HS3ST4: variants seen among roughly 807,000 people sequenced by gnomAD.
HS3ST4 encodes heparan sulfate-glucosamine 3-sulfotransferase 4, also known as heparan sulfate glucosamine 3-O-sulfotransferase 4.
Under a neutral mutation model 29.2 loss-of-function variants are expected in HS3ST4, and 17 were observed. That is an observed-to-expected ratio of 0.58 (90% confidence interval 0.40 to 0.87). HS3ST4 has a LOEUF of 0.87. Ranked by LOEUF, HS3ST4 falls within the 40% of genes least tolerant of loss-of-function variation. The probability of loss-of-function intolerance (pLI) is 0.00; values close to 1 mark genes in which losing one functional copy is unlikely to be tolerated. For synonymous variants in HS3ST4, 314 were observed against 285.7 expected (o/e 1.10, Z -1.00); for missense variants, 627 against 634.5 (o/e 0.99, Z 0.13).
At chr16:26,057,298 G>A (rs966296512) in intron 1 of HS3ST4, among the ~76,000 whole-genome samples, 4 of 152,184 alleles carry the variant, frequency 2.6e-5, no homozygotes, top group African/African-American at 9.6e-5. Flanking sequence ...CTAAAGAGGA[G>A]AGCAAACACC....
chr16:25,840,364 A>G (rs1007027267), intron 1 of HS3ST4, among the ~76,000 whole-genome samples: 1 of 152,204 alleles, frequency 6.6e-6, no homozygotes, highest in Admixed American at 6.5e-5. Flanking sequence ...TACAATCCAG[A>G]AACCCACATG....
At chr16:25,768,990 A>T (rs1241117667) in intron 1 of HS3ST4, among the ~76,000 whole-genome samples, 4 of 151,906 alleles carry the variant, frequency 2.6e-5, no homozygotes, top group African/African-American at 9.7e-5. Context: ...CACTCCACTC[A>T]CTGATGTGGT....
intron 1 of HS3ST4, among the ~76,000 whole-genome samples, chr16:25,892,812 G>A (rs1354649181): frequency 6.6e-6 from 1 of 152,060 alleles, no homozygotes; most frequent in Non-Finnish European, 1.5e-5. Context: ...ATACTTAGTA[G>A]GGGCCCCTAT....
chr16:25,804,574 G>T (rs1400980887), intron 1 of HS3ST4, among the ~76,000 whole-genome samples: 3 of 152,240 alleles, frequency 2.0e-5, no homozygotes, highest in African/African-American at 7.2e-5. Flanking sequence ...GAGCAATTCT[G>T]CTTGAAAATA....
intron 1 of HS3ST4, among the ~76,000 whole-genome samples, chr16:26,122,029 G>A (rs541447575): frequency 3.4e-4 from 51 of 152,198 alleles, no homozygotes; most frequent in African/African-American, 1.2e-3. Context: ...TAGAAGGAGA[G>A]TTGCCAGGAT....
rs144191548 is a variant in HS3ST4 at position 25,956,138 on chromosome 16, G to A, written c.735-179474G>A. On this transcript the variant is annotated intron_variant, in intron 1 of 1. Transcript: ENST00000331351. Reference sequence around the variant, plus strand: ...GCCAATGTGTACTTTTTAAAGGTATGTAGAGAAAAGAGTGACTAAATTCAC... The same window carrying A: ...GCCAATGTGTACTTTTTAAAGGTATATAGAGAAAAGAGTGACTAAATTCAC... 3.2e-3 allele frequency among the ~76,000 whole-genome samples: 484 copies of A among 152,274 alleles called. 1 individual carries two copies. The highest frequency in any genetic ancestry group is 0.011 in the African/African-American group (470 of 41,550).
At chr16:26,115,501 C>T (rs551228589) in intron 1 of HS3ST4, among the ~76,000 whole-genome samples, 73 of 151,900 alleles carry the variant, frequency 4.8e-4, no homozygotes, top group African/African-American at 1.7e-3. Context: ...GCTGAAAGGG[C>T]GGGAAACACC....
intron 1 of HS3ST4, among the ~76,000 whole-genome samples, chr16:25,942,385 C>G (rs1968580745): frequency 6.6e-6 from 1 of 152,110 alleles, no homozygotes; most frequent in Non-Finnish European, 1.5e-5. Flanking sequence ...AATCACATAT[C>G]TTATTATATT....
At chr16:26,119,570 G>A (rs538031239) in intron 1 of HS3ST4, among the ~76,000 whole-genome samples, 6 of 152,242 alleles carry the variant, frequency 3.9e-5, no homozygotes, top group East Asian at 1.9e-4. Flanking sequence ...TGGCTGCTGG[G>A]GGAGGGAGGG....
intron 1 of HS3ST4, among the ~76,000 whole-genome samples, chr16:25,747,118 G>A (rs896011662): frequency 6.6e-6 from 1 of 152,196 alleles, no homozygotes; most frequent in Non-Finnish European, 1.5e-5. Flanking sequence ...GCCTCTCAAA[G>A]TGTTGGGATG....
intron 1 of HS3ST4, among the ~76,000 whole-genome samples, chr16:25,770,901 T>C (rs1409247575): frequency 6.6e-6 from 1 of 152,148 alleles, no homozygotes; most frequent in Non-Finnish European, 1.5e-5. Context: ...CGCTAAGTGT[T>C]TTATACACAT....
intron 1 of HS3ST4, among the ~76,000 whole-genome samples, chr16:25,931,999 G>C (rs1454196055): frequency 6.6e-6 from 1 of 152,096 alleles, no homozygotes; most frequent in African/African-American, 2.4e-5. Flanking sequence ...TTTTTAAAGG[G>C]AAGGAGCAAA....
At chr16:25,993,463 G>C (rs530464873) in intron 1 of HS3ST4, among the ~76,000 whole-genome samples, 2 of 152,162 alleles carry the variant, frequency 1.3e-5, no homozygotes, top group Non-Finnish European at 2.9e-5. Flanking sequence ...CAGCTGTGGG[G>C]CATCCCTAGT....
At chr16:25,771,826 C>G (rs1369690844) in intron 1 of HS3ST4, among the ~76,000 whole-genome samples, 3 of 152,154 alleles carry the variant, frequency 2.0e-5, no homozygotes, top group African/African-American at 7.2e-5. Context: ...TTCCTAGTGC[C>G]TTGGCTGGAG....
At chr16:26,032,868 G>T in intron 1 of HS3ST4, 1 of 1,529,072 alleles carries the variant, frequency 6.5e-7, no homozygotes, top group South Asian at 1.1e-5. Flanking sequence ...GCAGTGGCGC[G>T]CGGGCTTTGG....
intron 1 of HS3ST4, among the ~76,000 whole-genome samples, chr16:26,094,948 AAG>A (rs1491576842): frequency 3.5e-5 from 5 of 144,190 alleles, no homozygotes; most frequent in African/African-American, 1.4e-4. Flanking sequence ...AAGCAAAAAA[AAG>A]CAGGGGTTGC....
chr16:26,093,452 G>GAT (rs1180220782), intron 1 of HS3ST4, among the ~76,000 whole-genome samples: 1 of 152,214 alleles, frequency 6.6e-6, no homozygotes, highest in African/African-American at 2.4e-5. Context: ...AGCCTCTGCT[G>GAT]ATGATACCCA....
At chr16:26,045,925 G>A (rs1460333891) in intron 1 of HS3ST4, among the ~76,000 whole-genome samples, 1 of 151,962 alleles carries the variant, frequency 6.6e-6, no homozygotes, top group Non-Finnish European at 1.5e-5. Flanking sequence ...ATTCATTTCA[G>A]TTCATTTTTT....
At chr16:25,895,160 TGC>T (rs1019068554) in intron 1 of HS3ST4, among the ~76,000 whole-genome samples, 1 of 144,224 alleles carries the variant, frequency 6.9e-6, no homozygotes, top group Non-Finnish European at 1.5e-5. Context: ...TGTGTGTGTG[TGC>T]TCACAAGTGT....
Sources: gnomAD v4.1 joint callset for allele counts (sites outside exome capture counted in the v4.1 genomes callset) on GRCh38, gnomAD v4.1.1 for gene constraint, MANE v1.5 for transcripts, NCBI Gene and HGNC (gene_info 2026-07-23, HGNC 2026-07-21) for gene names.